Variants in PI4KA observed in about 807,000 individuals in gnomAD.
The protein encoded by PI4KA is phosphatidylinositol 4-kinase alpha.
PI4KA carries 122 observed loss-of-function variants against 271.4 expected under a neutral mutation model. That is an observed-to-expected ratio of 0.45 (90% CI 0.39 to 0.52). The LOEUF (loss-of-function observed/expected upper bound fraction) is 0.52. PI4KA is among the 20% of genes least tolerant of loss of function. The pLI is 0.00. For missense variants in PI4KA, 1,969 were observed against 2,769.1 expected (o/e 0.71, Z 6.48); for synonymous variants, 1,041 against 1,078.8 (o/e 0.96, Z 0.69).
At chr22:20,773,662 G>A (rs540824592) in intron 19 of PI4KA, among the ~76,000 whole-genome samples, 4 of 152,322 alleles carry the variant, frequency 2.6e-5, no homozygotes, top group East Asian at 1.9e-4. Context: ...GCTCTTGGAA[G>A]GACAGGGACA....
chr22:20,751,778 G>T, intron 25 of PI4KA, 23 bp from the exon 26 acceptor site: 1 of 1,608,616 alleles, frequency 6.2e-7, no homozygotes, highest in Non-Finnish European at 8.5e-7. Context: ...CCAGCTCTCA[G>T]GACCAAGAGC....
chr22:20,819,562 CAAAGAAGAGGGATT>C (rs1322791285), intron 6 of PI4KA, 65 bp downstream of exon 6: 23 of 1,342,212 alleles, frequency 1.7e-5, no homozygotes, highest in Admixed American at 2.2e-5. Flanking sequence ...ACTCCAACTA[CAAAGAAGAGGGATT>C]TTCTTCGCAG....
In PI4KA at chr22:20,729,922, T is replaced by C. The variant is rs1277557727; in HGVS notation, c.4378A>G (p.Ser1460Gly). 1 of 1,614,168 alleles carries C rather than the reference T, an allele frequency of 6.2e-7. No individual in the cohort carries two copies. The highest frequency in any genetic ancestry group is 1.7e-5 in the Admixed American group (1 of 60,012). The change falls in exon 37 of 55, where the codon AGC (serine) becomes GGC (glycine). Residue 1460 changes from serine to glycine, a missense_variant. Around this residue, in one of 13 missense-constraint regions of PI4KA, gnomAD observed 3 missense variants for 18.5 expected, o/e 0.16. Coordinates refer to ENST00000255882, the MANE Select transcript of PI4KA (RefSeq NM_058004.4). ...TTCTTGGAGATGGTGGACATGCCGC[T>C]GGACAGGGGGTATGTGTTGATCCAG... ...QGWINTYPLS[S>G]GMSTISKKSG...
chr22:20,840,223 G>C (rs117942884), intron 1 of PI4KA, among the ~76,000 whole-genome samples: 2,347 of 152,310 alleles, frequency 0.015, 25 homozygotes, highest in Non-Finnish European at 0.023. Context: ...TTGATAATGT[G>C]ATCAGGGAGG....
chr22:20,751,331 AG>A lies in PI4KA; in HGVS notation c.3114del (p.Tyr1039ThrfsTer16), dbSNP rs1930664847. 1.2e-6 allele frequency: 2 copies of A among 1,614,070 alleles called. No homozygotes were observed. Among genetic ancestry groups the A allele is most frequent in the South Asian group, 1.1e-5 (1 of 91,076 alleles). ...DQPYYDIPDA[P>X]YRITVPDTYE... ...TACGTGTCAGGAACCGTGATCCGGT[AG>A]GGGGCGTCGGGGATGTCATAGTAAG... On this transcript the variant is annotated frameshift_variant, in exon 27 of 55. Coordinates refer to ENST00000255882, the MANE Select transcript of PI4KA (RefSeq NM_058004.4). LOFTEE classifies it high-confidence loss of function.
intron 3 of PI4KA, among the ~76,000 whole-genome samples, chr22:20,829,531 G>A (rs940499400): frequency 6.6e-6 from 1 of 151,046 alleles, no homozygotes; most frequent in Non-Finnish European, 1.5e-5. Context: ...ATTTCTGGTT[G>A]TGTCTATTTG....
Position 20,752,992 on chromosome 22 carries a change from C to A in PI4KA, c.2898G>T (p.Arg966=). Residue 966 remains arginine, a synonymous_variant, in exon 25 of 55, where the codon CGG becomes CGT. Transcript: ENST00000255882. ...AGTTCACCAACAGGAACTGAGCGTGCCGCTCCAGCTCCTCCTCGTTCTCCT... is the reference window on the plus strand; with the variant it reads ...AGTTCACCAACAGGAACTGAGCGTGACGCTCCAGCTCCTCCTCGTTCTCCT... ...KTKENEEELE[R]HAQFLLVNFN... The A allele has an allele frequency of 6.2e-7, 1 of 1,614,234 alleles. No homozygotes were observed.
Position 20,726,065 on chromosome 22 carries a change from C to T in PI4KA, c.4995+423G>A, listed in dbSNP as rs114187845. 2.5e-3 allele frequency among the ~76,000 whole-genome samples: 380 copies of T among 152,308 alleles called. 1 individual carries two copies. The highest frequency in any genetic ancestry group is 8.7e-3 in the African/African-American group (363 of 41,566). ...CCACAATTCTGAGAATGAGAATAGACATTTCTGTCGTTTAAGCTGCCCAGT... is the reference window on the plus strand; with the variant it reads ...CCACAATTCTGAGAATGAGAATAGATATTTCTGTCGTTTAAGCTGCCCAGT... On this transcript the variant is annotated intron_variant, in intron 42 of 54. Coordinates refer to ENST00000255882, the MANE Select transcript of PI4KA (RefSeq NM_058004.4).
At chr22:20,825,241 A>G (rs1407203228) in intron 3 of PI4KA, among the ~76,000 whole-genome samples, 2 of 152,258 alleles carry the variant, frequency 1.3e-5, no homozygotes, top group East Asian at 1.9e-4. Flanking sequence ...GAATGTGCCC[A>G]TGCCCGGCCT....
At chr22:20,800,817 T>C (rs1446675703) in intron 14 of PI4KA, among the ~76,000 whole-genome samples, 2 of 144,360 alleles carry the variant, frequency 1.4e-5, no homozygotes, top group Non-Finnish European at 3.0e-5. Flanking sequence ...GAGCTTGCAG[T>C]GAGCTGAGAT....
intron 1 of PI4KA, among the ~76,000 whole-genome samples, chr22:20,840,310 C>T (rs1437057229): frequency 6.6e-6 from 1 of 152,192 alleles, no homozygotes; most frequent in East Asian, 1.9e-4. Flanking sequence ...GCTGCTGCTG[C>T]AGCAGCACAG....
At chr22:20,825,001 T>C (rs1046619716) in intron 3 of PI4KA, among the ~76,000 whole-genome samples, 2 of 138,034 alleles carry the variant, frequency 1.4e-5, no homozygotes, top group South Asian at 2.2e-4. Flanking sequence ...AGCCAGGAAG[T>C]GGAGGTTCCA....
intron 29 of PI4KA, among the ~76,000 whole-genome samples, chr22:20,746,339 G>A (rs1930112055): frequency 6.6e-6 from 1 of 151,986 alleles, no homozygotes; most frequent in Non-Finnish European, 1.5e-5. Flanking sequence ...TGGGATTACA[G>A]GCATGAGCCA....
intron 1 of PI4KA, among the ~76,000 whole-genome samples, chr22:20,851,126 G>A (rs185694758): frequency 8.8e-4 from 134 of 152,132 alleles, no homozygotes; most frequent in Middle Eastern, 3.4e-3. Context: ...TTGCGAGGCC[G>A]AAGTGGGCAG....
At chr22:20,737,205 T>G (rs1928834721) in intron 32 of PI4KA, among the ~76,000 whole-genome samples, 1 of 152,142 alleles carries the variant, frequency 6.6e-6, no homozygotes, top group Non-Finnish European at 1.5e-5. Flanking sequence ...GAGAAGGCCC[T>G]GAGCTCAAGA....
chr22:20,752,761 G>A (rs1930845690), intron 25 of PI4KA, 142 bp downstream of exon 25: 2 of 806,460 alleles, frequency 2.5e-6, no homozygotes, highest in Non-Finnish European at 4.0e-6. Flanking sequence ...GACATTGGAG[G>A]GAGGCTGCAT....
intron 3 of PI4KA, among the ~76,000 whole-genome samples, chr22:20,833,004 TATCTTCATTGGCTAATGTTCTTTCA>T (rs1288386857): frequency 1.3e-5 from 2 of 152,216 alleles, no homozygotes; most frequent in Non-Finnish European, 2.9e-5. Flanking sequence ...GGCTCTTTCT[TATCTTCATTGGCTAATGTTCTTTCA>T]ATCTTTGAAG....
chr22:20,847,764 AAC>A (rs372730578), intron 1 of PI4KA, among the ~76,000 whole-genome samples: 2 of 151,942 alleles, frequency 1.3e-5, no homozygotes, highest in African/African-American at 4.8e-5. Flanking sequence ...CAAAAAAAAA[AAC>A]AAAAAAAACC....
intron 13 of PI4KA, 115 bp downstream of exon 13, chr22:20,803,076 A>G: frequency 9.4e-7 from 1 of 1,065,708 alleles, no homozygotes; most frequent in Non-Finnish European, 1.4e-6. Context: ...GAAAGACAGA[A>G]GGAAAGGTGT....
Sources: gnomAD v4.1 joint callset for allele counts (sites outside exome capture counted in the v4.1 genomes callset) on GRCh38, gnomAD v4.1.1 for gene constraint, gnomAD v4.1.1 regional missense constraint, MANE v1.5 for transcripts, NCBI Gene and HGNC (gene_info 2026-07-23, HGNC 2026-07-21) for gene names.